Variants in PPP1R12B observed in about 807,000 individuals in gnomAD.
PPP1R12B encodes myosin phosphatase target subunit 2.
Under a neutral mutation model 126.1 loss-of-function variants are expected in PPP1R12B, and 76 were observed. The observed-to-expected ratio is 0.60, with a 90% CI of 0.50 to 0.73. PPP1R12B has a LOEUF of 0.73. Ranked by LOEUF, PPP1R12B falls within the 30% of genes least tolerant of loss-of-function variation. The probability of loss-of-function intolerance (pLI) is 0.00; values close to 1 mark genes in which losing one functional copy is unlikely to be tolerated. For missense variants in PPP1R12B, 1,052 were observed against 1,205.1 expected, an observed-to-expected ratio of 0.87 and a Z score of 1.88; for synonymous variants, 356 against 434.7, an observed-to-expected ratio of 0.82 and a Z score of 2.25.
intron 18 of PPP1R12B, among the ~76,000 whole-genome samples, chr1:202,509,579 A>G (rs1681200876): frequency 6.6e-6 from 1 of 152,192 alleles, no homozygotes; most frequent in African/African-American, 2.4e-5. Context: ...GTAGATTATG[A>G]CCGTAAGTAA....
Position 202,427,200 on chromosome 1 carries a change from C to A in PPP1R12B, c.846+16C>A, listed in dbSNP as rs773786839. 2.5e-6 allele frequency: 4 copies of A among 1,611,950 alleles called. No individual in the cohort carries two copies. In the South Asian group the frequency reaches 4.4e-5, roughly 18 times the overall value. On this transcript the variant is annotated intron_variant, in intron 5 of 23. Transcript: ENST00000608999. ...AAATAAACTGGTTAGTGAGCCTGAA[C>A]CTCTAAAAGAACAACGAGATTGGTG...
In PPP1R12B at chr1:202,422,729, A is replaced by T; in HGVS notation, c.532A>T (p.Lys178Ter). The T allele has an allele frequency of 6.2e-7, 1 of 1,613,734 alleles. No homozygotes were observed. The highest frequency in any genetic ancestry group is 8.5e-7 in the Non-Finnish European group (1 of 1,179,744). Residue 178 changes from lysine to a stop codon, truncating the protein, a stop_gained, in exon 3 of 24, where the codon AAG becomes TAG. Coordinates refer to ENST00000608999, the MANE Select transcript of PPP1R12B (RefSeq NM_002481.4). LOFTEE classifies it high-confidence loss of function. ...AMKDLLLEQV[K>*]KQGVDLEQSR... is the part of the protein sequence containing the mutation. Reference sequence around the variant, plus strand: ...GAAGGATCTTCTTCTGGAGCAAGTAAAGAAGCAAGGTAACCTCATGGATTG... The same window carrying T: ...GAAGGATCTTCTTCTGGAGCAAGTATAGAAGCAAGGTAACCTCATGGATTG...
Position 202,588,864 on chromosome 1 carries a change from TA to T in PPP1R12B, c.*8305del, listed in dbSNP as rs1162480573. On this transcript the variant is annotated 3_prime_UTR_variant, in exon 24 of 24. Coordinates refer to ENST00000608999, the MANE Select transcript of PPP1R12B (RefSeq NM_002481.4). ...ATAGATAGATAGATAGATAGATAGA[TA>T]GATAGATATCAAGGTTCCAAGCTTC... 3 of 144,244 alleles carry T rather than the reference TA, an allele frequency of 2.1e-5. No homozygotes were observed. The highest frequency in any genetic ancestry group is 8.6e-5 in the African/African-American group (3 of 34,880). The allele number at this position is 144,244 out of a possible 1,614,324, so 8.9% of individuals were successfully genotyped here. A position where few individuals can be genotyped will look rare whatever the true frequency, so the allele number is the denominator to read the frequency against.
At chr1:202,494,608 A>T (rs1300664007) in intron 15 of PPP1R12B, among the ~76,000 whole-genome samples, 1 of 151,350 alleles carries the variant, frequency 6.6e-6, no homozygotes, top group Non-Finnish European at 1.5e-5. Flanking sequence ...AAAGACCACA[A>T]TAGACCAGAA....
At chr1:202,553,022 C>T (rs1253158936) in intron 18 of PPP1R12B, among the ~76,000 whole-genome samples, 1 of 152,160 alleles carries the variant, frequency 6.6e-6, no homozygotes, top group Admixed American at 6.5e-5. Flanking sequence ...GTTTCTGTCC[C>T]TTTCTAGGAT....
At chr1:202,514,093 CT>C (rs568899800) in intron 18 of PPP1R12B, among the ~76,000 whole-genome samples, 82 of 152,020 alleles carry the variant, frequency 5.4e-4, no homozygotes, top group African/African-American at 1.9e-3. Context: ...TTTTTCTTTT[CT>C]TTTCTTTTTT....
At chr1:202,481,177 ACCT>A (rs1470713975) in intron 13 of PPP1R12B, among the ~76,000 whole-genome samples, 1 of 152,094 alleles carries the variant, frequency 6.6e-6, no homozygotes, top group East Asian at 1.9e-4. Flanking sequence ...TCACTTGCTC[ACCT>A]CCTGCTGTAC....
chr1:202,504,383 A>T (rs1680587660), intron 18 of PPP1R12B, among the ~76,000 whole-genome samples: 1 of 152,118 alleles, frequency 6.6e-6, no homozygotes, highest in Non-Finnish European at 1.5e-5. Flanking sequence ...ACAGAGCGAG[A>T]CCCTGTCCCC....
At chr1:202,450,456 T>G (rs2148720770) in intron 13 of PPP1R12B, among the ~76,000 whole-genome samples, 1 of 152,352 alleles carries the variant, frequency 6.6e-6, no homozygotes, top group Admixed American at 6.5e-5. Flanking sequence ...TAGAATGTAC[T>G]GCATTTGGGA....
At chr1:202,471,400 A>G (rs1280315722) in intron 13 of PPP1R12B, among the ~76,000 whole-genome samples, 5 of 143,618 alleles carry the variant, frequency 3.5e-5, no homozygotes, top group African/African-American at 1.3e-4. Flanking sequence ...ATTCTTGTTC[A>G]TGTTTCTTAC....
chr1:202,384,805 GAATTTTCCT>G (rs1291948647), intron 1 of PPP1R12B, among the ~76,000 whole-genome samples: 1 of 152,164 alleles, frequency 6.6e-6, no homozygotes, highest in Non-Finnish European at 1.5e-5. Context: ...AAATGTGTTA[GAATTTTCCT>G]AGGGTTTATG....
chr1:202,399,598 G>T (rs988823808), intron 1 of PPP1R12B, among the ~76,000 whole-genome samples: 4 of 151,786 alleles, frequency 2.6e-5, no homozygotes, highest in Non-Finnish European at 5.9e-5. Flanking sequence ...CTGGGTTCAA[G>T]CCATTCTCCT....
chr1:202,400,381 C>T (rs1351904613), intron 1 of PPP1R12B, among the ~76,000 whole-genome samples: 1 of 152,136 alleles, frequency 6.6e-6, no homozygotes, highest in Non-Finnish European at 1.5e-5. Flanking sequence ...AGAATTTGAC[C>T]TATCAAAGAT....
chr1:202,472,960 T>C (rs540115003), intron 13 of PPP1R12B, among the ~76,000 whole-genome samples: 1 of 152,340 alleles, frequency 6.6e-6, no homozygotes, highest in South Asian at 2.1e-4. Flanking sequence ...CTGCGAAACC[T>C]GAAAGATTTA....
rs1488455693 is a variant in PPP1R12B at position 202,434,642 on chromosome 1, G to A, written c.1142-14G>A. On this transcript the variant is annotated splice_polypyrimidine_tract_variant and intron_variant, in intron 8 of 23. Transcript: ENST00000608999. ...TATACTAGTACTTGTTAATTCTCTT[G>A]TCTTAAATAACAGATAAAAAGCCAG... The A allele has an allele frequency of 6.2e-7, 1 of 1,603,944 alleles. No individual in the cohort carries two copies.
chr1:202,575,028 A>G, intron 23 of PPP1R12B: 4 of 1,613,318 alleles, frequency 2.5e-6, no homozygotes, highest in Non-Finnish European at 3.4e-6. Flanking sequence ...AACAGATTCA[A>G]ACCTTGAAGC....
chr1:202,528,845 G>A (rs1278555732), intron 18 of PPP1R12B, among the ~76,000 whole-genome samples: 5 of 151,302 alleles, frequency 3.3e-5, no homozygotes, highest in Admixed American at 2.6e-4. Flanking sequence ...TCTTTCAAAT[G>A]TATACATATA....
intron 1 of PPP1R12B, among the ~76,000 whole-genome samples, chr1:202,405,190 G>C (rs919279078): frequency 6.6e-6 from 1 of 152,086 alleles, no homozygotes; most frequent in South Asian, 2.1e-4. Flanking sequence ...AGACTTGATG[G>C]ACCCTCAGCA....
chr1:202,545,176 C>T (rs954849174), intron 18 of PPP1R12B, among the ~76,000 whole-genome samples: 15 of 152,300 alleles, frequency 9.8e-5, no homozygotes, highest in Non-Finnish European at 1.9e-4. Flanking sequence ...ACCATTTTTT[C>T]CGCCTAATTA....
Sources: allele counts gnomAD v4.1 joint callset (sites outside exome capture counted in the v4.1 genomes callset), GRCh38; gene constraint gnomAD v4.1.1; transcripts MANE v1.5; gene names NCBI Gene and HGNC (gene_info 2026-07-23, HGNC 2026-07-21).